The following FBXO11 variants were observed in gnomAD, a reference collection of about 807,000 sequenced individuals.
FBXO11 encodes F-box protein 11.
In FBXO11, 13 loss-of-function variants were observed where a neutral mutation model predicts 117.0. That is an observed-to-expected ratio of 0.11 (90% CI 0.07 to 0.18). The LOEUF (loss-of-function observed/expected upper bound fraction) is 0.18, where lower values mean the gene tolerates loss of function less well. Ranked by LOEUF, FBXO11 falls within the 10% of genes least tolerant of loss-of-function variation. FBXO11 has a pLI of 1.00. For missense variants in FBXO11, 767 were observed against 1,164.4 expected, an observed-to-expected ratio of 0.66 and a Z score of 4.97; for synonymous variants, 490 against 380.5, an observed-to-expected ratio of 1.29 and a Z score of -3.35.
At chr2:47,858,978 G>A (rs1281521453) in intron 1 of FBXO11, among the ~76,000 whole-genome samples, 15 of 148,544 alleles carry the variant, frequency 1.0e-4, no homozygotes, top group African/African-American at 2.7e-4. Flanking sequence ...GGCGGAGGTC[G>A]CAGTGAGCAG....
intron 1 of FBXO11, among the ~76,000 whole-genome samples, chr2:47,896,817 A>C (rs1558482659): frequency 2.0e-5 from 3 of 152,220 alleles, no homozygotes; most frequent in African/African-American, 7.2e-5. Flanking sequence ...ATATGAAATA[A>C]AGTGAGTGAG....
chr2:47,807,708 C>T lies in FBXO11; in HGVS notation c.*410G>A. The T allele has an allele frequency of 4.3e-6, 1 of 234,258 alleles. No homozygotes were observed. 14.5% of individuals were successfully genotyped at this position (234,258 alleles called of 1,614,324 possible). A position where few individuals can be genotyped will look rare whatever the true frequency, so the allele number is the denominator to read the frequency against. ...AAAGGAACGCAGAAGTGCTAGCTCA[C>T]ATTTTTACCATATTACAAAAGCAAT... On this transcript the variant is annotated 3_prime_UTR_variant, in exon 23 of 23. Coordinates refer to ENST00000403359, the MANE Select transcript of FBXO11 (RefSeq NM_001190274.2).
chr2:47,905,261 C>A, intron 1 of FBXO11: 1 of 287,264 alleles, frequency 3.5e-6, no homozygotes, highest in East Asian at 7.7e-5. Flanking sequence ...CCAAACAAAG[C>A]GCGGCCTGAG....
chr2:47,875,947 G>GAGT (rs2103864310), intron 1 of FBXO11, among the ~76,000 whole-genome samples: 1 of 152,290 alleles, frequency 6.6e-6, no homozygotes, highest in Non-Finnish European at 1.5e-5. Context: ...AACATGTATA[G>GAGT]AGTAGTACTA....
In FBXO11 at chr2:47,813,841, C is replaced by T. The variant is rs773132513; in HGVS notation, c.2033G>A (p.Arg678His). ...IRTGSNPKIR[R>H]NKIWGGQNGG... ...ATTCTGTCCTCCCCAGATTTTGTTG[C>T]GTCTAATTTTGGGGTTGCTTCCAGT... Residue 678 changes from arginine (R) to histidine (H), a missense_variant, in exon 17 of 23, where the codon CGC (arginine) becomes CAC (histidine). By Grantham distance (29) the Arg-to-His change is conservative. This residue lies in a region of FBXO11 where 42 missense variants were observed against 216.8 expected (regional missense o/e 0.19). Transcript: ENST00000403359. 7.4e-6 allele frequency: 12 copies of T among 1,613,424 alleles called. No homozygotes were observed. Among genetic ancestry groups the T allele is most frequent in the East Asian group, 4.5e-5 (2 of 44,856 alleles).
intron 1 of FBXO11, among the ~76,000 whole-genome samples, chr2:47,840,069 G>A (rs548015207): frequency 5.9e-5 from 9 of 151,498 alleles, no homozygotes; most frequent in African/African-American, 9.7e-5. Context: ...TCAGCCTCCC[G>A]AGTAGCTGGG....
chr2:47,882,597 T>C (rs766074673), intron 1 of FBXO11, among the ~76,000 whole-genome samples: 4 of 152,220 alleles, frequency 2.6e-5, no homozygotes, highest in Non-Finnish European at 5.9e-5. Flanking sequence ...GTGTCTCTTA[T>C]TATGTTTTCC....
chr2:47,842,474 CATA>C (rs769449811), intron 1 of FBXO11, among the ~76,000 whole-genome samples: 21 of 151,992 alleles, frequency 1.4e-4, no homozygotes, highest in South Asian at 2.1e-4. Context: ...AGCTATATTT[CATA>C]ATAACAAAGG....
chr2:47,848,866 G>A (rs1322377515), intron 1 of FBXO11, among the ~76,000 whole-genome samples: 1 of 152,080 alleles, frequency 6.6e-6, no homozygotes, highest in African/African-American at 2.4e-5. Context: ...TACCTTGAAA[G>A]TTTGCAAAAA....
chr2:47,864,642 C>G (rs1558454625), intron 1 of FBXO11, among the ~76,000 whole-genome samples: 2 of 152,034 alleles, frequency 1.3e-5, no homozygotes. Context: ...AAATAAGAGA[C>G]TAGATTTAAT....
chr2:47,905,521 A>AGCGGCGGAGGCG lies in FBXO11; in HGVS notation c.188_199dup (p.Pro63_Pro66dup), dbSNP rs977093129. 4.9e-6 allele frequency: 6 copies of AGCGGCGGAGGCG among 1,234,022 alleles called. No homozygotes were observed. Among genetic ancestry groups the AGCGGCGGAGGCG allele is most frequent in the Non-Finnish European group, 6.1e-6 (6 of 991,046 alleles). The allele number at this position is 1,234,022 out of a possible 1,614,324, so 76.4% of individuals were successfully genotyped here. On this transcript the variant is annotated inframe_insertion, in exon 1 of 23. Coordinates refer to ENST00000403359, the MANE Select transcript of FBXO11 (RefSeq NM_001190274.2). ...GCCGACGTTGTTCCGCTCCTGAGGC[A>AGCGGCGGAGGCG]GCGGCGGAGGCGGCGGTGGCGGCGG...
chr2:47,893,487 T>C (rs1277913415), intron 1 of FBXO11, among the ~76,000 whole-genome samples: 1 of 152,172 alleles, frequency 6.6e-6, no homozygotes, highest in African/African-American at 2.4e-5. Context: ...TATTAATCTA[T>C]TCAATACAAA....
chr2:47,820,070 A>C (rs144903322), intron 14 of FBXO11, among the ~76,000 whole-genome samples: 1,976 of 152,346 alleles, frequency 0.013, 31 homozygotes, highest in African/African-American at 0.043. Context: ...ACTGCTGCTG[A>C]GGCTAGCCCA....
At chr2:47,861,050 A>G (rs1291472882) in intron 1 of FBXO11, among the ~76,000 whole-genome samples, 1 of 150,980 alleles carries the variant, frequency 6.6e-6, no homozygotes, top group Admixed American at 6.6e-5. Context: ...GGGTTTCTCC[A>G]TGTTGGTTAG....
At chr2:47,860,334 G>A (rs759294941) in intron 1 of FBXO11, among the ~76,000 whole-genome samples, 1 of 151,982 alleles carries the variant, frequency 6.6e-6, no homozygotes, top group African/African-American at 2.4e-5. Flanking sequence ...TATTTCACAT[G>A]GCTAGCTAAT....
intron 1 of FBXO11, among the ~76,000 whole-genome samples, chr2:47,856,668 T>A (rs1674319242): frequency 6.6e-6 from 1 of 152,210 alleles, no homozygotes; most frequent in South Asian, 2.1e-4. Flanking sequence ...TAGCACATAT[T>A]CAGCACTATA....
chr2:47,882,850 T>C (rs1307454832), intron 1 of FBXO11, among the ~76,000 whole-genome samples: 1 of 152,118 alleles, frequency 6.6e-6, no homozygotes, highest in African/African-American at 2.4e-5. Flanking sequence ...GGTTTTGCCA[T>C]GTTGTCTAGG....
intron 7 of FBXO11, among the ~76,000 whole-genome samples, chr2:47,833,985 T>C (rs533013214): frequency 7.9e-5 from 12 of 152,236 alleles, no homozygotes; most frequent in Non-Finnish European, 4.4e-5. Context: ...TATTTTCAAA[T>C]AAAAGATGAA....
chr2:47,864,997 C>G (rs1297713678), intron 1 of FBXO11, among the ~76,000 whole-genome samples: 1 of 152,186 alleles, frequency 6.6e-6, no homozygotes, highest in Non-Finnish European at 1.5e-5. Flanking sequence ...TTAGTTTAAA[C>G]CTATTTATAG....
Sources: gnomAD v4.1 joint callset for allele counts (sites outside exome capture counted in the v4.1 genomes callset) on GRCh38, gnomAD v4.1.1 for gene constraint, gnomAD v4.1.1 regional missense constraint, MANE v1.5 for transcripts, NCBI Gene and HGNC (gene_info 2026-07-23, HGNC 2026-07-21) for gene names.